Variants in DCC observed in about 807,000 individuals in gnomAD.
DCC encodes netrin receptor DCC.
A neutral mutation model predicts 172.5 loss-of-function variants in DCC; 58 were observed. That is an observed-to-expected ratio of 0.34 (90% CI 0.27 to 0.42). The LOEUF is 0.42. DCC is among the 10% of genes least tolerant of loss of function. The probability of loss-of-function intolerance (pLI) is 1.00; values close to 1 mark genes in which losing one functional copy is unlikely to be tolerated. For missense variants in DCC, 1,740 were observed against 1,791.0 expected (o/e 0.97, Z 0.51); for synonymous variants, 709 against 644.5 (o/e 1.10, Z -1.52).
intron 1 of DCC, among the ~76,000 whole-genome samples, chr18:52,641,529 C>A (rs2034890776): frequency 6.6e-6 from 1 of 151,806 alleles, no homozygotes; most frequent in East Asian, 1.9e-4. Flanking sequence ...AAAAAACAAA[C>A]AATCTCATCA....
chr18:52,739,733 T>A (rs2145110914), intron 1 of DCC, among the ~76,000 whole-genome samples: 1 of 152,352 alleles, frequency 6.6e-6, no homozygotes, highest in South Asian at 2.1e-4. Context: ...GCCATGTGAA[T>A]GCCGTCGGCA....
chr18:53,405,202 A>AT (rs1418945990), intron 19 of DCC, among the ~76,000 whole-genome samples: 1 of 151,894 alleles, frequency 6.6e-6, no homozygotes, highest in East Asian at 1.9e-4. Context: ...AAAAAAAAAA[A>AT]AAAGAAATGA....
At chr18:53,201,706 C>T (rs1046769341) in intron 9 of DCC, among the ~76,000 whole-genome samples, 2 of 152,078 alleles carry the variant, frequency 1.3e-5, no homozygotes, top group Non-Finnish European at 2.9e-5. Flanking sequence ...TTTGTTATAA[C>T]ACAATACTAA....
At chr18:53,254,131 G>T (rs1313740330) in intron 12 of DCC, among the ~76,000 whole-genome samples, 1 of 152,030 alleles carries the variant, frequency 6.6e-6, no homozygotes, top group African/African-American at 2.4e-5. Context: ...TAATGTGTGT[G>T]GGGACAACCA....
intron 1 of DCC, among the ~76,000 whole-genome samples, chr18:52,690,769 C>A (rs2035918792): frequency 6.6e-6 from 1 of 152,062 alleles, no homozygotes; most frequent in Non-Finnish European, 1.5e-5. Context: ...TTAATAAAAA[C>A]CATGCTAGAA....
intron 21 of DCC, among the ~76,000 whole-genome samples, chr18:53,420,590 G>A (rs1158293200): frequency 6.6e-6 from 1 of 152,150 alleles, no homozygotes; most frequent in Non-Finnish European, 1.5e-5. Flanking sequence ...CTGGCTTGCA[G>A]GTGGCCTTCT....
At chr18:53,220,737 A>G (rs910458217) in intron 12 of DCC, among the ~76,000 whole-genome samples, 3 of 152,144 alleles carry the variant, frequency 2.0e-5, no homozygotes, top group African/African-American at 7.2e-5. Flanking sequence ...CTAGTTATCC[A>G]TCCATTTAAT....
chr18:53,407,633 T>C (rs1484707534), intron 19 of DCC, among the ~76,000 whole-genome samples: 1 of 149,050 alleles, frequency 6.7e-6, no homozygotes, highest in African/African-American at 2.4e-5. Flanking sequence ...AAATATTTCA[T>C]ATATATCTAT....
chr18:53,410,633 C>T lies in DCC; in HGVS notation c.3117C>T (p.Phe1039=), dbSNP rs1397103547. 1.3e-6 allele frequency: 2 copies of T among 1,593,224 alleles called. No homozygotes were observed. The highest frequency in any genetic ancestry group is 1.7e-5 in the Admixed American group (1 of 59,936). Residue 1039 remains phenylalanine (F), a synonymous_variant, in exon 20 of 29, where the codon TTC becomes TTT. Transcript: ENST00000442544. ...GVGPLSDPIL[F]RTLKVEHPDK... Reference sequence around the variant, plus strand: ...GGCCACTCTCTGATCCTATCCTCTTCAGGACTCTGAAAGGTTTGAATAATT... The same window carrying T: ...GGCCACTCTCTGATCCTATCCTCTTTAGGACTCTGAAAGGTTTGAATAATT...
intron 1 of DCC, among the ~76,000 whole-genome samples, chr18:52,596,231 C>A (rs2033907780): frequency 6.6e-6 from 1 of 152,180 alleles, no homozygotes; most frequent in Non-Finnish European, 1.5e-5. Context: ...AGTAATGGAA[C>A]TAACATTCTG....
chr18:53,342,678 A>G (rs528725609), intron 15 of DCC, among the ~76,000 whole-genome samples: 2 of 148,982 alleles, frequency 1.3e-5, no homozygotes, highest in African/African-American at 4.9e-5. Context: ...TGTTAAACTT[A>G]TTCCTAAATA....
At chr18:52,974,565 C>T (rs2041084694) in intron 5 of DCC, among the ~76,000 whole-genome samples, 1 of 152,154 alleles carries the variant, frequency 6.6e-6, no homozygotes, top group Admixed American at 6.5e-5. Context: ...TGAAAAGCCA[C>T]AGGGTGGCCT....
chr18:53,361,186 G>T (rs1286848005), intron 15 of DCC, among the ~76,000 whole-genome samples: 1 of 152,104 alleles, frequency 6.6e-6, no homozygotes, highest in Non-Finnish European at 1.5e-5. Flanking sequence ...AGGCAAAAAA[G>T]GATCCTCTCA....
In DCC at chr18:52,497,308, T is replaced by C. The variant is rs1395556240; in HGVS notation, c.91+156430T>C. On this transcript the variant is annotated intron_variant, in intron 1 of 28. Coordinates refer to ENST00000442544, the MANE Select transcript of DCC (RefSeq NM_005215.4). The stretch of plus-strand genomic sequence containing the variant: ...ATATATATATATATATATATATATA[T>C]ATATATACACACACACATATATATA... Among the ~76,000 whole-genome samples the C allele has an allele frequency of 1.5e-4, 9 of 58,542 alleles. 1 individual carries two copies. The highest frequency in any genetic ancestry group is 4.9e-4 in the East Asian group (1 of 2,036). The allele number at this position is 58,542 out of a possible 152,430, so 38.4% of individuals were successfully genotyped here. A position where few individuals can be genotyped will look rare whatever the true frequency, so the allele number is the denominator to read the frequency against.
chr18:53,439,729 T>C (rs533207670), intron 22 of DCC, among the ~76,000 whole-genome samples: 2 of 152,028 alleles, frequency 1.3e-5, no homozygotes, highest in African/African-American at 4.8e-5. Context: ...TGATGGCAGG[T>C]AGAATCAAAG....
At chr18:53,439,357 A>G (rs1912128470) in intron 22 of DCC, among the ~76,000 whole-genome samples, 1 of 152,208 alleles carries the variant, frequency 6.6e-6, no homozygotes, top group Non-Finnish European at 1.5e-5. Flanking sequence ...CTTCACCCTT[A>G]TAAAGTGGGC....
intron 1 of DCC, among the ~76,000 whole-genome samples, chr18:52,620,822 C>T (rs1414193185): frequency 6.6e-6 from 1 of 152,096 alleles, no homozygotes; most frequent in Non-Finnish European, 1.5e-5. Flanking sequence ...TAAGGAGCTA[C>T]GTGAGAAACA....
intron 5 of DCC, among the ~76,000 whole-genome samples, chr18:52,960,491 T>G (rs144622301): frequency 0.01 from 1,542 of 152,230 alleles, 7 homozygotes; most frequent in Non-Finnish European, 0.015. Context: ...TTCTACCCAT[T>G]TGGGAAACTC....
chr18:53,248,270 A>G (rs1474067407), intron 12 of DCC, among the ~76,000 whole-genome samples: 2 of 151,874 alleles, frequency 1.3e-5, no homozygotes, highest in Admixed American at 1.3e-4. Flanking sequence ...ACATTCAGAG[A>G]TGGGCCCAGA....
Sources: gnomAD v4.1 joint callset for allele counts (sites outside exome capture counted in the v4.1 genomes callset) on GRCh38, gnomAD v4.1.1 for gene constraint, MANE v1.5 for transcripts, NCBI Gene and HGNC (gene_info 2026-07-23, HGNC 2026-07-21) for gene names.